HERC4: variants seen among roughly 807,000 people sequenced by gnomAD.
The protein encoded by HERC4 is probable E3 ubiquitin-protein ligase HERC4.
In HERC4, 28 loss-of-function variants were observed where a neutral mutation model predicts 124.3. The observed-to-expected ratio is 0.23, with a 90% CI of 0.17 to 0.31. The LOEUF is 0.31. Ranked by LOEUF, HERC4 falls within the 10% of genes least tolerant of loss-of-function variation. The probability of loss-of-function intolerance (pLI) is 1.00; values close to 1 mark genes in which losing one functional copy is unlikely to be tolerated. For missense variants in HERC4, 713 were observed against 1,229.3 expected (o/e 0.58, Z 6.28); for synonymous variants, 407 against 421.5 (o/e 0.97, Z 0.42).
Position 67,953,782 on chromosome 10 carries a change from C to T in HERC4, c.2337+813G>A, listed in dbSNP as rs116839465. Among the ~76,000 whole-genome samples, 350 of 152,160 alleles carry T rather than the reference C, an allele frequency of 2.3e-3. 2 individuals carry two copies. The highest frequency in any genetic ancestry group is 8.0e-3 in the African/African-American group (334 of 41,506). On this transcript the variant is annotated intron_variant, in intron 19 of 24. Transcript: ENST00000373700. ...ATTGCACTACTAAGGAATCAGAAAA[C>T]GTGAGGAAATTTCTCTATACAGAAG...
At chr10:68,051,724 C>G (rs1178776891) in intron 3 of HERC4, among the ~76,000 whole-genome samples, 1 of 147,036 alleles carries the variant, frequency 6.8e-6, no homozygotes, top group Non-Finnish European at 1.5e-5. Context: ...GGATCTCACT[C>G]TGTTGCCCAG....
At chr10:68,048,440 T>A (rs754336675) in intron 3 of HERC4, among the ~76,000 whole-genome samples, 1 of 152,044 alleles carries the variant, frequency 6.6e-6, no homozygotes, top group Non-Finnish European at 1.5e-5. Flanking sequence ...ATCCCAACTA[T>A]ATGACAAGCT....
chr10:67,923,420 A>G (rs1197135479), intron 24 of HERC4, among the ~76,000 whole-genome samples: 1 of 152,208 alleles, frequency 6.6e-6, no homozygotes, highest in Non-Finnish European at 1.5e-5. Flanking sequence ...ACATTTTGAG[A>G]GCCCTTTTTT....
chr10:67,935,215 G>A (rs1001868192), intron 22 of HERC4, among the ~76,000 whole-genome samples: 3 of 150,338 alleles, frequency 2.0e-5, no homozygotes, highest in Admixed American at 6.7e-5. Context: ...GCACAATCTC[G>A]GCTCACTGCA....
Position 68,041,316 on chromosome 10 carries a change from A to G in HERC4, c.386+3088T>C, listed in dbSNP as rs519204. Among the ~76,000 whole-genome samples the G allele has an allele frequency of 9.3e-3, 1,410 of 152,298 alleles. 30 individuals are homozygous for G. The highest frequency in any genetic ancestry group is 0.031 in the African/African-American group (1,294 of 41,568). The stretch of plus-strand genomic sequence containing the variant: ...AACTCATTTCAATTTTGAAAAATTT[A>G]TCTCAGAATAGGGGAGTAGATTTTT... On this transcript the variant is annotated intron_variant, in intron 4 of 24. Coordinates refer to ENST00000373700, the MANE Select transcript of HERC4 (RefSeq NM_015601.4).
intron 15 of HERC4, among the ~76,000 whole-genome samples, chr10:67,972,239 A>C (rs2035282320): frequency 2.0e-5 from 3 of 149,268 alleles, no homozygotes; most frequent in Admixed American, 2.0e-4. Flanking sequence ...AAAAAAAAAA[A>C]GGCCAGGCAC....
chr10:68,036,836 TA>T (rs1243308427), intron 5 of HERC4, among the ~76,000 whole-genome samples: 1 of 152,174 alleles, frequency 6.6e-6, no homozygotes, highest in Non-Finnish European at 1.5e-5. Context: ...TATTACCAAT[TA>T]TATCAATTAG....
intron 8 of HERC4, among the ~76,000 whole-genome samples, chr10:68,014,592 T>C (rs983917813): frequency 2.0e-5 from 3 of 152,184 alleles, no homozygotes; most frequent in African/African-American, 4.8e-5. Context: ...CGAGAAGTTT[T>C]AGGCTAAGAA....
chr10:67,941,669 C>CTTTTTT (rs755666986), intron 19 of HERC4, among the ~76,000 whole-genome samples: 4 of 91,770 alleles, frequency 4.4e-5, no homozygotes, highest in Admixed American at 1.3e-4. Context: ...TAAAACACAA[C>CTTTTTT]TTTTTTTTTT....
At chr10:68,026,861 G>C (rs1387049831) in intron 7 of HERC4, among the ~76,000 whole-genome samples, 1 of 151,610 alleles carries the variant, frequency 6.6e-6, no homozygotes, top group Non-Finnish European at 1.5e-5. Flanking sequence ...AATTAGTTAG[G>C]CATGGTAGTG....
intron 15 of HERC4, among the ~76,000 whole-genome samples, chr10:67,970,554 T>C (rs2035169438): frequency 6.7e-6 from 1 of 149,478 alleles, no homozygotes; most frequent in South Asian, 2.1e-4. Context: ...ATTGCACCAC[T>C]GCACTCCACC....
intron 9 of HERC4, among the ~76,000 whole-genome samples, chr10:68,005,464 C>A (rs965171697): frequency 1.3e-5 from 2 of 152,072 alleles, no homozygotes; most frequent in African/African-American, 4.8e-5. Context: ...GGGAGCAGAT[C>A]ACTGGGTCTT....
intron 9 of HERC4, among the ~76,000 whole-genome samples, chr10:68,005,694 T>A (rs936900297): frequency 1.3e-5 from 2 of 151,872 alleles, no homozygotes; most frequent in African/African-American, 4.8e-5. Flanking sequence ...TAATTTTCTG[T>A]GCATCTATTA....
chr10:68,056,580 A>G (rs894426564), intron 3 of HERC4, among the ~76,000 whole-genome samples: 5 of 152,232 alleles, frequency 3.3e-5, no homozygotes, highest in Non-Finnish European at 7.3e-5. Context: ...GTGACCAAGG[A>G]GTAATGATGG....
At chr10:68,043,368 G>A (rs1173366210) in intron 4 of HERC4, among the ~76,000 whole-genome samples, 1 of 151,912 alleles carries the variant, frequency 6.6e-6, no homozygotes, top group Non-Finnish European at 1.5e-5. Flanking sequence ...CTATTACTAG[G>A]AAAAAGAACA....
At chr10:67,950,529 G>A (rs1341952274) in intron 19 of HERC4, among the ~76,000 whole-genome samples, 1 of 152,028 alleles carries the variant, frequency 6.6e-6, no homozygotes, top group Non-Finnish European at 1.5e-5. Context: ...AACCACCTCG[G>A]CCTCCCAAAG....
chr10:68,045,492 T>A (rs2039974622), intron 3 of HERC4, among the ~76,000 whole-genome samples: 1 of 152,208 alleles, frequency 6.6e-6, no homozygotes, highest in Non-Finnish European at 1.5e-5. Context: ...GACTGCCAAC[T>A]TAATATCAAA....
Position 68,032,818 on chromosome 10 carries a change from TA to T in HERC4, c.736del (p.Tyr246IlefsTer12). The T allele has an allele frequency of 6.3e-7, 1 of 1,587,578 alleles. No homozygotes were observed. The highest frequency in any genetic ancestry group is 8.6e-7 in the Non-Finnish European group (1 of 1,156,134). On this transcript the variant is annotated frameshift_variant, in exon 7 of 25. Coordinates refer to ENST00000373700, the MANE Select transcript of HERC4 (RefSeq NM_015601.4). LOFTEE classifies it high-confidence loss of function. ...AGTATGATCTTCTCCACAACAAATA[TA>T]AACTATTTTCTGAGATCTTAGTGAC... ...LKSLRSQKIV[Y>X]ICCGEDHTAA...
chr10:68,033,617 CAA>C (rs2039319052), intron 6 of HERC4, among the ~76,000 whole-genome samples: 1 of 152,168 alleles, frequency 6.6e-6, no homozygotes, highest in Non-Finnish European at 1.5e-5. Context: ...TTGAAAAACT[CAA>C]AGATTAACAC....
Sources: allele counts gnomAD v4.1 joint callset (sites outside exome capture counted in the v4.1 genomes callset), GRCh38; gene constraint gnomAD v4.1.1; transcripts MANE v1.5; gene names NCBI Gene and HGNC (gene_info 2026-07-23, HGNC 2026-07-21).